The following PTPRM variants were observed in gnomAD, a reference collection of about 807,000 sequenced individuals.
PTPRM encodes the protein protein tyrosine phosphatase receptor type M.
A neutral mutation model predicts 186.7 loss-of-function variants in PTPRM; 47 were observed. That is an observed-to-expected ratio of 0.25 (90% confidence interval 0.20 to 0.32). PTPRM has a LOEUF of 0.32. PTPRM is among the 10% of genes least tolerant of loss of function. The probability of loss-of-function intolerance (pLI) is 1.00; values close to 1 mark genes in which losing one functional copy is unlikely to be tolerated. For missense variants in PTPRM, 1,494 were observed against 1,865.0 expected (o/e 0.80, Z 3.66); for synonymous variants, 668 against 674.9 (o/e 0.99, Z 0.16).
In PTPRM at chr18:7,888,233, T is replaced by C; in HGVS notation, c.324T>C (p.Asn108=). ...DFHYFVSSKS[N]SPPGLLNVYV... The stretch of plus-strand genomic sequence containing the variant: ...ACTATTTTGTGTCCAGCAAGAGTAA[T>C]TCTCCTCCGGGGTTACTCAATGTCT... Residue 108 remains asparagine, a synonymous_variant, in exon 3 of 33, where the codon AAT becomes AAC. Transcript: ENST00000580170. 1 of 1,614,114 alleles carries C rather than the reference T, an allele frequency of 6.2e-7. No homozygotes were observed. Among genetic ancestry groups the C allele is most frequent in the Non-Finnish European group, 8.5e-7 (1 of 1,180,014 alleles).
chr18:8,121,717 A>G (rs2092180128), intron 13 of PTPRM: 3 of 152,224 alleles, frequency 2.0e-5, no homozygotes, highest in African/African-American at 7.2e-5. Context: ...AAATTTTTCT[A>G]CATAAAAACG....
chr18:8,000,894 G>A (rs1049466803), intron 7 of PTPRM, among the ~76,000 whole-genome samples: 4 of 152,172 alleles, frequency 2.6e-5, no homozygotes, highest in Admixed American at 1.3e-4. Context: ...AGCAGTGGCA[G>A]GCACTTGAAT....
intron 2 of PTPRM, among the ~76,000 whole-genome samples, chr18:7,865,119 A>G (rs1207637702): frequency 6.6e-6 from 1 of 152,118 alleles, no homozygotes; most frequent in Non-Finnish European, 1.5e-5. Flanking sequence ...GGTTTTTCTA[A>G]ATATACAATC....
At chr18:8,023,870 A>ACG (rs35084039) in intron 7 of PTPRM, among the ~76,000 whole-genome samples, 11,595 of 149,282 alleles carry the variant, frequency 0.078, 874 homozygotes, top group African/African-American at 0.18. Flanking sequence ...ACACACACAC[A>ACG]CGCACACCCC....
chr18:7,774,363 G>A (rs978124919), intron 2 of PTPRM, 92 bp downstream of exon 2: 36 of 1,470,668 alleles, frequency 2.4e-5, no homozygotes, highest in Non-Finnish European at 3.2e-5. Context: ...AATGAGTGAC[G>A]GTGTTGGTCT....
intron 23 of PTPRM, among the ~76,000 whole-genome samples, chr18:8,352,155 C>T (rs1483601139): frequency 2.0e-5 from 3 of 152,216 alleles, no homozygotes; most frequent in East Asian, 1.9e-4. Context: ...CATTGAGAAC[C>T]GTATATCAAC....
chr18:8,240,499 G>GAGGAAGGAAGGAAGGAAGGAAGGA (rs1300777583), intron 14 of PTPRM, among the ~76,000 whole-genome samples: 2 of 13,546 alleles, frequency 1.5e-4, no homozygotes, highest in African/African-American at 4.1e-4. Context: ...GAGAGAGAGA[G>GAGGAAGGAAGGAAGGAAGGAAGGA]AGGAAGGAAG....
At chr18:7,648,590 G>T (rs1271786185) in intron 1 of PTPRM, among the ~76,000 whole-genome samples, 4 of 152,180 alleles carry the variant, frequency 2.6e-5, no homozygotes, top group Non-Finnish European at 4.4e-5. Flanking sequence ...CTTTATTGCT[G>T]ATATGGATAA....
intron 2 of PTPRM, among the ~76,000 whole-genome samples, chr18:7,826,215 G>T (rs1194010376): frequency 2.6e-5 from 4 of 152,212 alleles, no homozygotes; most frequent in African/African-American, 9.6e-5. Context: ...TTCTGTCCTA[G>T]CACATCTTCA....
At chr18:8,152,803 C>T (rs1432122666) in intron 14 of PTPRM, among the ~76,000 whole-genome samples, 3 of 150,072 alleles carry the variant, frequency 2.0e-5, no homozygotes, top group Admixed American at 6.7e-5. Flanking sequence ...CTGCAACCTC[C>T]GCCTCCTGGG....
At chr18:7,896,551 G>C (rs1273134698) in intron 3 of PTPRM, among the ~76,000 whole-genome samples, 1 of 152,158 alleles carries the variant, frequency 6.6e-6, no homozygotes, top group African/African-American at 2.4e-5. Context: ...CTTCCCCCAT[G>C]GGTCTCCATA....
intron 14 of PTPRM, among the ~76,000 whole-genome samples, chr18:8,215,302 G>T (rs7239742): frequency 0.8 from 121,958 of 151,674 alleles, 49,395 homozygotes; most frequent in South Asian, 0.87. Context: ...TCAGTAGTTC[G>T]TATTTACCAT....
chr18:8,204,001 T>A (rs2093893246), intron 14 of PTPRM, among the ~76,000 whole-genome samples: 1 of 152,184 alleles, frequency 6.6e-6, no homozygotes, highest in Non-Finnish European at 1.5e-5. Context: ...TGGTTCCATA[T>A]GTGCAGGATT....
At chr18:7,741,929 A>G (rs1361089323) in intron 1 of PTPRM, 4 of 152,288 alleles carry the variant, frequency 2.6e-5, no homozygotes, top group African/African-American at 7.2e-5. Flanking sequence ...CTGTGCATCC[A>G]TTTGTCAAGA....
intron 7 of PTPRM, among the ~76,000 whole-genome samples, chr18:7,958,207 CA>C (rs534178363): frequency 0.047 from 5,451 of 115,240 alleles, 290 homozygotes; most frequent in African/African-American, 0.16. Flanking sequence ...CCATCCCCTG[CA>C]AAAAAAAAAA....
chr18:8,200,720 A>G (rs1259878453), intron 14 of PTPRM, among the ~76,000 whole-genome samples: 3 of 152,254 alleles, frequency 2.0e-5, no homozygotes, highest in Admixed American at 6.5e-5. Context: ...ACAAAAAGTT[A>G]TAAAAATAGT....
chr18:7,761,567 C>G (rs146775944), intron 1 of PTPRM, among the ~76,000 whole-genome samples: 2 of 152,178 alleles, frequency 1.3e-5, no homozygotes, highest in African/African-American at 4.8e-5. Context: ...GGTACTGACT[C>G]TCTGGTTTTC....
chr18:7,689,928 C>G (rs1010767147), intron 1 of PTPRM, among the ~76,000 whole-genome samples: 2 of 152,146 alleles, frequency 1.3e-5, no homozygotes, highest in African/African-American at 4.8e-5. Context: ...TCACTCATTG[C>G]TCTATTTACA....
intron 23 of PTPRM, among the ~76,000 whole-genome samples, chr18:8,351,756 T>G (rs2095535374): frequency 6.6e-6 from 1 of 152,214 alleles, no homozygotes; most frequent in South Asian, 2.1e-4. Flanking sequence ...TGGCCTGTGA[T>G]GATTCCCATC....
Sources: allele counts gnomAD v4.1 joint callset (sites outside exome capture counted in the v4.1 genomes callset), GRCh38; gene constraint gnomAD v4.1.1; transcripts MANE v1.5; gene names NCBI Gene and HGNC (gene_info 2026-07-23, HGNC 2026-07-21).